ZNF385B: variants seen among roughly 807,000 people sequenced by gnomAD.
ZNF385B encodes the protein zinc finger protein 533.
In ZNF385B, 23 loss-of-function variants were observed where a neutral mutation model predicts 39.2. The ratio of observed to expected loss-of-function variants is 0.59; its 90% CI spans 0.42 to 0.83. The LOEUF (loss-of-function observed/expected upper bound fraction) is 0.83. Ranked by LOEUF, ZNF385B falls within the 40% of genes least tolerant of loss-of-function variation. The probability of loss-of-function intolerance (pLI) is 0.00; values close to 1 mark genes in which losing one functional copy is unlikely to be tolerated. For missense variants in ZNF385B, 552 were observed against 598.9 expected (o/e 0.92, Z 0.82); for synonymous variants, 205 against 222.6 (o/e 0.92, Z 0.70).
At chr2:179,626,492 A>C (rs113271705) in intron 3 of ZNF385B, among the ~76,000 whole-genome samples, 8 of 152,152 alleles carry the variant, frequency 5.3e-5, no homozygotes, top group African/African-American at 1.9e-4. Context: ...TACATCCTTA[A>C]GTTGTATTCC....
chr2:179,656,064 T>A (rs184019770), intron 3 of ZNF385B, among the ~76,000 whole-genome samples: 221 of 152,302 alleles, frequency 1.5e-3, no homozygotes, highest in African/African-American at 5.0e-3. Context: ...TAGAAGTTTA[T>A]CTTTTATTTT....
chr2:179,554,251 G>T (rs979744177), intron 3 of ZNF385B, among the ~76,000 whole-genome samples: 3 of 149,096 alleles, frequency 2.0e-5, no homozygotes. Flanking sequence ...AACGGCAGGG[G>T]TCATGTGTTA....
At chr2:179,541,126 T>TCC (rs1164861244) in intron 4 of ZNF385B, among the ~76,000 whole-genome samples, 1 of 152,232 alleles carries the variant, frequency 6.6e-6, no homozygotes, top group Non-Finnish European at 1.5e-5. Context: ...TGACATGTAC[T>TCC]CCATCATAAA....
chr2:179,763,022 A>C (rs1703490258), intron 3 of ZNF385B, among the ~76,000 whole-genome samples: 2 of 152,130 alleles, frequency 1.3e-5, no homozygotes, highest in African/African-American at 4.8e-5. Context: ...CTCCTGTCTC[A>C]ACCTCCAGAA....
At chr2:179,681,754 G>C (rs919258807) in intron 3 of ZNF385B, among the ~76,000 whole-genome samples, 2 of 152,184 alleles carry the variant, frequency 1.3e-5, no homozygotes, top group South Asian at 4.1e-4. Flanking sequence ...ATCTTTGACT[G>C]TGGGAAATGG....
chr2:179,698,024 T>C (rs762638903), intron 3 of ZNF385B, among the ~76,000 whole-genome samples: 1 of 152,060 alleles, frequency 6.6e-6, no homozygotes, highest in Non-Finnish European at 1.5e-5. Context: ...GGGAACATCA[T>C]ACACCAGGGC....
At chr2:179,613,788 C>T (rs2106140917) in intron 3 of ZNF385B, among the ~76,000 whole-genome samples, 1 of 152,024 alleles carries the variant, frequency 6.6e-6, no homozygotes, top group South Asian at 2.1e-4. Flanking sequence ...CAGGACTTGC[C>T]CAAGAATTGC....
At chr2:179,706,619 G>C (rs1238934666) in intron 3 of ZNF385B, among the ~76,000 whole-genome samples, 1 of 152,158 alleles carries the variant, frequency 6.6e-6, no homozygotes, top group Non-Finnish European at 1.5e-5. Context: ...CACCGCATGA[G>C]TACAGGGATG....
chr2:179,614,631 T>G (rs1018797395), intron 3 of ZNF385B, among the ~76,000 whole-genome samples: 1 of 152,192 alleles, frequency 6.6e-6, no homozygotes, highest in African/African-American at 2.4e-5. Flanking sequence ...AGAATTTGGT[T>G]GCTGGTATGA....
chr2:179,497,764 A>T (rs1464113640), intron 5 of ZNF385B, among the ~76,000 whole-genome samples: 1 of 152,124 alleles, frequency 6.6e-6, no homozygotes. Context: ...CAATCAAAAG[A>T]CACAGACTGG....
intron 3 of ZNF385B, among the ~76,000 whole-genome samples, chr2:179,580,354 A>G (rs1416869090): frequency 2.0e-5 from 3 of 152,202 alleles, no homozygotes; most frequent in African/African-American, 4.8e-5. Context: ...AGAAAACTTT[A>G]GGCAGGTTGC....
At chr2:179,462,583 T>TA (rs201987674) in intron 6 of ZNF385B, among the ~76,000 whole-genome samples, 25 of 148,026 alleles carry the variant, frequency 1.7e-4, no homozygotes, top group East Asian at 1.6e-3. Context: ...GTTAATGGAT[T>TA]AAAAAAAAAA....
intron 6 of ZNF385B, among the ~76,000 whole-genome samples, chr2:179,460,104 A>G (rs1205181146): frequency 1.3e-5 from 2 of 152,060 alleles, no homozygotes; most frequent in Non-Finnish European, 2.9e-5. Context: ...ACTCTGTCTC[A>G]AAAAGAAAAG....
chr2:179,620,910 T>C (rs911010855), intron 3 of ZNF385B, among the ~76,000 whole-genome samples: 34 of 152,196 alleles, frequency 2.2e-4, no homozygotes, highest in Admixed American at 2.2e-3. Flanking sequence ...TGTATACATG[T>C]CTGGTGTTTT....
At chr2:179,727,490 G>T (rs780206789) in intron 3 of ZNF385B, among the ~76,000 whole-genome samples, 2 of 151,954 alleles carry the variant, frequency 1.3e-5, no homozygotes, top group Non-Finnish European at 1.5e-5. Flanking sequence ...GCTATAAATG[G>T]CTACATCTGC....
intron 1 of ZNF385B, among the ~76,000 whole-genome samples, chr2:179,818,815 C>T (rs1707227156): frequency 6.6e-6 from 1 of 152,086 alleles, no homozygotes; most frequent in Non-Finnish European, 1.5e-5. Context: ...AGTGCTGGCC[C>T]TAATGCTCAT....
intron 3 of ZNF385B, among the ~76,000 whole-genome samples, chr2:179,768,676 G>C (rs1217720053): frequency 6.6e-6 from 1 of 152,176 alleles, no homozygotes; most frequent in Non-Finnish European, 1.5e-5. Context: ...CAAACCTTGG[G>C]AGGAAGACTG....
At chr2:179,573,460 A>G (rs1369992541) in intron 3 of ZNF385B, among the ~76,000 whole-genome samples, 1 of 152,152 alleles carries the variant, frequency 6.6e-6, no homozygotes, top group African/African-American at 2.4e-5. Context: ...ACAAAAAACT[A>G]AAGGATAGGT....
chr2:179,700,133 A>G lies in ZNF385B; in HGVS notation c.298+69370T>C, dbSNP rs1699077161. 2.6e-5 allele frequency among the ~76,000 whole-genome samples: 4 copies of G among 152,034 alleles called. No individual in the cohort carries two copies. In the South Asian group the frequency reaches 6.2e-4, roughly 24 times the overall value. ...TACCATTTTCATCAAAAAAGCCTCCAAAAAGCACCTTATGCAAATGACTTT... is the reference window on the plus strand; with the variant it reads ...TACCATTTTCATCAAAAAAGCCTCCGAAAAGCACCTTATGCAAATGACTTT... On this transcript the variant is annotated intron_variant, in intron 3 of 9. Transcript: ENST00000410066.
Sources: allele counts gnomAD v4.1 joint callset (sites outside exome capture counted in the v4.1 genomes callset), GRCh38; gene constraint gnomAD v4.1.1; transcripts MANE v1.5; gene names NCBI Gene and HGNC (gene_info 2026-07-23, HGNC 2026-07-21).